The following STK32B variants were observed in gnomAD, a reference collection of about 807,000 sequenced individuals.
STK32B encodes serine/threonine-protein kinase 32B.
Under a neutral mutation model 52.6 loss-of-function variants are expected in STK32B, and 43 were observed. The ratio of observed to expected loss-of-function variants is 0.82; its 90% confidence interval spans 0.64 to 1.05. The LOEUF (loss-of-function observed/expected upper bound fraction) is 1.05, where lower values mean the gene tolerates loss of function less well. STK32B is among the 50% of genes least tolerant of loss of function. STK32B has a pLI of 0.00. For missense variants in STK32B, 621 were observed against 534.6 expected, an observed-to-expected ratio of 1.16 and a Z score of -1.59; for synonymous variants, 238 against 204.3, an observed-to-expected ratio of 1.17 and a Z score of -1.41.
At chr4:5,099,731 T>C (rs1713620488) in intron 1 of STK32B, among the ~76,000 whole-genome samples, 1 of 152,154 alleles carries the variant, frequency 6.6e-6, no homozygotes, top group Non-Finnish European at 1.5e-5. Flanking sequence ...GAATGAGTGC[T>C]GTACTGTAGG....
At chr4:5,369,444 G>T (rs956516722) in intron 4 of STK32B, among the ~76,000 whole-genome samples, 31 of 152,028 alleles carry the variant, frequency 2.0e-4, no homozygotes, top group African/African-American at 7.2e-4. Context: ...GCTTAGATCA[G>T]CAGAGGGCAG....
At position 5,242,237 on chromosome 4, in the gene STK32B, T is replaced by C. The variant is rs569550046; in HGVS notation, c.260+73787T>C. ...ATTTCTCCACATCCTCTTCAGCACCTGTTGTTTACTGACTTTTTAATGATC... is the reference window on the plus strand; with the variant it reads ...ATTTCTCCACATCCTCTTCAGCACCCGTTGTTTACTGACTTTTTAATGATC... On this transcript the variant is annotated intron_variant, in intron 3 of 11. Transcript: ENST00000282908. Among the ~76,000 whole-genome samples the C allele has an allele frequency of 2.6e-5, 4 of 152,350 alleles. No individual in the cohort carries two copies. The South Asian group carries it at 8.3e-4, about 32-fold the overall frequency.
At chr4:5,292,195 T>C (rs553154411) in intron 3 of STK32B, among the ~76,000 whole-genome samples, 2 of 152,286 alleles carry the variant, frequency 1.3e-5, no homozygotes, top group East Asian at 3.9e-4. Flanking sequence ...GTAATTCTAT[T>C]TTTAGCTCTT....
At chr4:5,349,583 C>G (rs1198933413) in intron 4 of STK32B, among the ~76,000 whole-genome samples, 1 of 151,992 alleles carries the variant, frequency 6.6e-6, no homozygotes, top group East Asian at 1.9e-4. Flanking sequence ...CATGAAAAAG[C>G]AAGGAAATAT....
chr4:5,094,263 A>G (rs1393918198), intron 1 of STK32B, among the ~76,000 whole-genome samples: 1 of 152,226 alleles, frequency 6.6e-6, no homozygotes, highest in African/African-American at 2.4e-5. Flanking sequence ...GAATGGTTTG[A>G]CAATTTTAGA....
In STK32B at chr4:5,155,244, C is replaced by G. The variant is rs934353068; in HGVS notation, c.109-13055C>G. Among the ~76,000 whole-genome samples, 15 of 152,310 alleles carry G rather than the reference C, an allele frequency of 9.8e-5. No homozygotes were observed. The East Asian group carries it at 2.7e-3, about 27-fold the overall frequency. ...CCCTCTTCGTCTCCACCTCAACCTT[C>G]CATATTTCCTTGCCCTTCTCTTCCC... is the stretch of plus-strand genomic sequence containing the variant. On this transcript the variant is annotated intron_variant, in intron 2 of 11. Coordinates refer to ENST00000282908, the MANE Select transcript of STK32B (RefSeq NM_018401.3).
chr4:5,211,393 C>T (rs73208982), intron 3 of STK32B, among the ~76,000 whole-genome samples: 2 of 149,520 alleles, frequency 1.3e-5, no homozygotes, highest in Non-Finnish European at 3.0e-5. Flanking sequence ...CCTGGCAGTA[C>T]AGCTACCACT....
intron 11 of STK32B, among the ~76,000 whole-genome samples, chr4:5,493,536 G>C (rs1719933099): frequency 2.0e-5 from 3 of 152,118 alleles, no homozygotes; most frequent in Non-Finnish European, 4.4e-5. Context: ...CCAGCTCCTG[G>C]ATTCATTAAT....
intron 4 of STK32B, among the ~76,000 whole-genome samples, chr4:5,347,828 G>A (rs1252082025): frequency 6.6e-6 from 1 of 152,132 alleles, no homozygotes; most frequent in Non-Finnish European, 1.5e-5. Flanking sequence ...GACATGCCTT[G>A]CTTCTCCTCA....
intron 1 of STK32B, among the ~76,000 whole-genome samples, chr4:5,099,459 C>CGTGCGCGCGCACACGCGT (rs1553823562): frequency 7.8e-5 from 11 of 140,348 alleles, no homozygotes; most frequent in African/African-American, 2.3e-4. Flanking sequence ...TGCGCGCGCG[C>CGTGCGCGCGCACACGCGT]GTATGTGATG....
intron 1 of STK32B, among the ~76,000 whole-genome samples, chr4:5,115,399 C>T: frequency 6.6e-6 from 1 of 152,320 alleles, no homozygotes; most frequent in East Asian, 1.9e-4. Flanking sequence ...AACTGCTTTC[C>T]TCCAGCATTA....
intron 9 of STK32B, among the ~76,000 whole-genome samples, chr4:5,466,280 G>A (rs1244639287): frequency 6.6e-6 from 1 of 152,138 alleles, no homozygotes; most frequent in Non-Finnish European, 1.5e-5. Flanking sequence ...AGGGAACCAG[G>A]GCAGGAAGTT....
the STK32B span, among the ~76,000 whole-genome samples, chr4:5,029,820 C>T: frequency 5.8e-4 from 88 of 152,294 alleles, no homozygotes; most frequent in Non-Finnish European, 1.1e-3. Context: ...TTTGTGTTCC[C>T]GCCCAAATCT....
At chr4:5,083,198 T>C (rs1447285) in intron 1 of STK32B, among the ~76,000 whole-genome samples, 15,955 of 152,186 alleles carry the variant, frequency 0.1, 1,034 homozygotes, top group East Asian at 0.17. Context: ...TTTAAGACTT[T>C]GTTTGGATAG....
At chr4:5,236,344 T>A (rs556929518) in intron 3 of STK32B, among the ~76,000 whole-genome samples, 27 of 152,244 alleles carry the variant, frequency 1.8e-4, no homozygotes, top group Middle Eastern at 3.4e-3. Flanking sequence ...TCTTTTTTTT[T>A]AAACTTACTT....
At chr4:5,481,574 A>C (rs1416126471) in intron 11 of STK32B, among the ~76,000 whole-genome samples, 2 of 152,112 alleles carry the variant, frequency 1.3e-5, no homozygotes, top group East Asian at 3.9e-4. Context: ...GCTGTGCAGA[A>C]GCTCTTTAGT....
chr4:5,312,104 T>C (rs553303183), intron 3 of STK32B, among the ~76,000 whole-genome samples: 2 of 151,836 alleles, frequency 1.3e-5, no homozygotes, highest in South Asian at 4.1e-4. Flanking sequence ...CAATCATCCA[T>C]ATATTGAAAT....
intron 4 of STK32B, among the ~76,000 whole-genome samples, chr4:5,347,393 C>G (rs1352268581): frequency 2.0e-5 from 3 of 152,124 alleles, no homozygotes; most frequent in Admixed American, 2.0e-4. Flanking sequence ...ATTTTAATAC[C>G]TAGAACCTGG....
At chr4:5,218,559 C>A (rs570731545) in intron 3 of STK32B, among the ~76,000 whole-genome samples, 1 of 152,146 alleles carries the variant, frequency 6.6e-6, no homozygotes, top group Non-Finnish European at 1.5e-5. Context: ...GGGACCCTAC[C>A]GTCAAACTGC....
Sources: gnomAD v4.1 joint callset for allele counts (sites outside exome capture counted in the v4.1 genomes callset) on GRCh38, gnomAD v4.1.1 for gene constraint, MANE v1.5 for transcripts, NCBI Gene and HGNC (gene_info 2026-07-23, HGNC 2026-07-21) for gene names.